Variants in NUP42 observed in about 807,000 individuals in gnomAD.
NUP42 encodes nucleoporin 42, also known as nucleoporin NUP42.
NUP42 carries 47 observed loss-of-function variants against 35.9 expected under a neutral mutation model. The observed-to-expected ratio is 1.31, with a 90% CI of 1.04 to 1.67. The LOEUF (loss-of-function observed/expected upper bound fraction) is 1.67, where lower values mean the gene tolerates loss of function less well. Among genes scored for constraint, NUP42 ranks in the 40% most tolerant of loss-of-function variants. NUP42 has a pLI of 0.00. For synonymous variants in NUP42, 173 were observed against 173.3 expected, an observed-to-expected ratio of 1.00 and a Z score of 0.01; for missense variants, 514 against 492.2, an observed-to-expected ratio of 1.04 and a Z score of -0.42.
intron 2 of NUP42, 151 bp downstream of exon 2, chr7:23,185,449 CA>C (rs1338016420): frequency 1.6e-5 from 10 of 634,694 alleles, no homozygotes; most frequent in African/African-American, 9.2e-5. Context: ...ATCAGAGTAG[CA>C]AAAAGAAGAA....
chr7:23,191,010 T>TA (rs1177194140), intron 3 of NUP42, among the ~76,000 whole-genome samples: 1 of 152,100 alleles, frequency 6.6e-6, no homozygotes, highest in Admixed American at 6.5e-5. Flanking sequence ...GAGTCCTGAA[T>TA]AAAGAGAGGG....
At chr7:23,199,687 T>TA (rs780096642) in intron 6 of NUP42, 145 bp downstream of exon 6, 33 of 705,864 alleles carry the variant, frequency 4.7e-5, no homozygotes, top group Admixed American at 2.2e-4. Flanking sequence ...ATTTGACTCA[T>TA]TAGACATTTG....
At chr7:23,198,163 C>T (rs906583451) in intron 5 of NUP42, 1 of 149,692 alleles carries the variant, frequency 6.7e-6, no homozygotes, top group African/African-American at 2.5e-5. Context: ...AGGAGAATCA[C>T]TTGAACCCAG....
chr7:23,188,281 C>T lies in NUP42; in HGVS notation c.445+1135C>T, dbSNP rs1362516299. 6.1e-5 allele frequency: 74 copies of T among 1,219,494 alleles called. No individual in the cohort carries two copies. In the Middle Eastern group the frequency reaches 9.6e-4, roughly 16 times the overall value. The allele number at this position is 1,219,494 out of a possible 1,614,324, so 75.5% of individuals were successfully genotyped here. ...CATTTAACAAATATTTACTGAATTT[C>T]TTTTGTGCTAAGTGCTAGGAATATA... On this transcript the variant is annotated intron_variant, in intron 3 of 6. Transcript: ENST00000258742.
At chr7:23,191,364 C>CAA (rs1405515607) in intron 3 of NUP42, among the ~76,000 whole-genome samples, 1 of 152,162 alleles carries the variant, frequency 6.6e-6, no homozygotes, top group Non-Finnish European at 1.5e-5. Flanking sequence ...AGTTAGAAGA[C>CAA]ATTGCTGCTT....
intron 2 of NUP42, among the ~76,000 whole-genome samples, chr7:23,185,515 C>G (rs540136320): frequency 6.6e-6 from 1 of 152,132 alleles, no homozygotes; most frequent in African/African-American, 2.4e-5. Flanking sequence ...TGTGTATTAC[C>G]CTAGATTTTA....
rs531702000 is a variant in NUP42 at position 23,200,139 on chromosome 7, G to T, written c.695-29G>T. 7 of 1,397,442 alleles carry T rather than the reference G, an allele frequency of 5.0e-6. No individual in the cohort carries two copies. The East Asian group carries it at 7.1e-5, about 14-fold the overall frequency. 86.6% of individuals were successfully genotyped at this position (1,397,442 alleles called of 1,614,324 possible). On this transcript the variant is annotated intron_variant, in intron 6 of 6. Transcript: ENST00000258742. ...TTTCTGACCGTAATAGATTTTTGTT[G>T]TTTTTTTTGTTGTTGTTGTTGTTTG...
chr7:23,187,217 A>C lies in NUP42; in HGVS notation c.445+71A>C, dbSNP rs573998787. 2.8e-5 allele frequency: 30 copies of C among 1,055,638 alleles called. No homozygotes were observed. In the African/African-American group the frequency reaches 4.6e-4, roughly 16 times the overall value. The allele number at this position is 1,055,638 out of a possible 1,614,324, so 65.4% of individuals were successfully genotyped here. ...ATTTTCTAAAACCAAAAGAATGCCA[A>C]ATAAAGAAATCAACTACCAACTTAG... On this transcript the variant is annotated intron_variant, in intron 3 of 6. Coordinates refer to ENST00000258742, the MANE Select transcript of NUP42 (RefSeq NM_007342.3).
Position 23,196,003 on chromosome 7 carries a change from C to G in NUP42, c.522+88C>G. Reference sequence around the variant, plus strand: ...ATCGTGGCTTGTGTTTTGGCAAAACCGATGAGGTCTATGATCTTTTTTCAG... The same window carrying G: ...ATCGTGGCTTGTGTTTTGGCAAAACGGATGAGGTCTATGATCTTTTTTCAG... On this transcript the variant is annotated intron_variant, in intron 4 of 6. Transcript: ENST00000258742. 1.4e-5 allele frequency: 10 copies of G among 709,320 alleles called. 2 individuals carry two copies. In the South Asian group the frequency reaches 1.9e-4, roughly 13 times the overall value. 43.9% of individuals were successfully genotyped at this position (709,320 alleles called of 1,614,324 possible).
intron 3 of NUP42, among the ~76,000 whole-genome samples, chr7:23,192,714 G>A (rs928743231): frequency 2.0e-5 from 3 of 152,206 alleles, no homozygotes; most frequent in Admixed American, 1.3e-4. Flanking sequence ...GGCAGAGGCG[G>A]AAGAAAATCC....
intron 3 of NUP42, chr7:23,187,928 T>A: frequency 2.0e-6 from 1 of 508,664 alleles, no homozygotes; most frequent in South Asian, 3.5e-5. Context: ...TGCTTTAGAA[T>A]ATTCTCTGTC....
intron 3 of NUP42, among the ~76,000 whole-genome samples, chr7:23,192,737 C>A (rs898055667): frequency 4.6e-5 from 7 of 151,988 alleles, no homozygotes; most frequent in Non-Finnish European, 5.9e-5. Context: ...GTACAAGTGG[C>A]CCCTGTACAA....
chr7:23,200,394 A>G lies in NUP42; in HGVS notation c.921A>G (p.Ala307=). ...CATCATTTTCATTCAAAAGCCCTGC[A>G]GCTTCCAGTTTTGGATCACCTGGAT... The part of the protein sequence containing the change: ...SAASFSFKSP[A]ASSFGSPGFS... The change falls in exon 7 of 7, where the codon GCA becomes GCG. Residue 307 remains alanine (A), a synonymous_variant. Transcript: ENST00000258742. 1 of 1,614,152 alleles carries G rather than the reference A, an allele frequency of 6.2e-7. No homozygotes were observed. Among genetic ancestry groups the G allele is most frequent in the Non-Finnish European group, 8.5e-7 (1 of 1,180,024 alleles).
intron 3 of NUP42, chr7:23,188,010 T>TAC (rs1226437077): frequency 9.5e-7 from 1 of 1,051,148 alleles, no homozygotes. Context: ...ATTTTTTATT[T>TAC]TTATTTTTTT....
At chr7:23,188,088 C>T (rs1447542383) in intron 3 of NUP42, 1 of 1,427,344 alleles carries the variant, frequency 7.0e-7, no homozygotes, top group Non-Finnish European at 9.2e-7. Flanking sequence ...CAAGCCCACT[C>T]TGGGTGTTCC....
At chr7:23,193,770 G>A (rs924144987) in intron 3 of NUP42, among the ~76,000 whole-genome samples, 3 of 152,236 alleles carry the variant, frequency 2.0e-5, no homozygotes, top group African/African-American at 4.8e-5. Flanking sequence ...ACTGGGTGCC[G>A]GTGGAGCAGG....
intron 2 of NUP42, among the ~76,000 whole-genome samples, chr7:23,186,270 T>C (rs1340294179): frequency 6.6e-6 from 1 of 152,236 alleles, no homozygotes; most frequent in Non-Finnish European, 1.5e-5. Flanking sequence ...TTATCCTAAT[T>C]AAATCAGAAC....
At chr7:23,193,595 G>A (rs1177014369) in intron 3 of NUP42, among the ~76,000 whole-genome samples, 4 of 152,206 alleles carry the variant, frequency 2.6e-5, no homozygotes, top group Non-Finnish European at 5.9e-5. Context: ...GCTGATTGGT[G>A]TATTTACAAT....
chr7:23,182,131 G>A lies in NUP42; in HGVS notation c.46G>A (p.Asp16Asn). Residue 16 changes from aspartate to asparagine, a missense_variant, in exon 1 of 7, where the codon GAT becomes AAT. Physicochemically the swap from Asp to Asn is conservative, Grantham distance 23. Transcript: ENST00000258742. ...CCTTCAAGGCCGGTGCCGCTTTGGA[G>A]ATCGGTGCTGGAACGAACATCCCGG... is the stretch of plus-strand genomic sequence containing the variant. ...FFLQGRCRFG[D>N]RCWNEHPGAR... The A allele has an allele frequency of 3.7e-6, 6 of 1,614,220 alleles. No homozygotes were observed. The highest frequency in any genetic ancestry group is 5.1e-6 in the Non-Finnish European group (6 of 1,180,048).
Sources: allele counts gnomAD v4.1 joint callset (sites outside exome capture counted in the v4.1 genomes callset), GRCh38; gene constraint gnomAD v4.1.1; transcripts MANE v1.5; gene names NCBI Gene and HGNC (gene_info 2026-07-23, HGNC 2026-07-21).